The following DHX15 variants were observed in gnomAD, a reference collection of about 807,000 sequenced individuals.
The protein encoded by DHX15 is ATP-dependent RNA helicase DHX15.
A neutral mutation model predicts 94.4 loss-of-function variants in DHX15; 11 were observed. That is an observed-to-expected ratio of 0.12 (90% CI 0.07 to 0.19). The LOEUF is 0.19. Ranked by LOEUF, DHX15 falls within the 10% of genes least tolerant of loss-of-function variation. The probability of loss-of-function intolerance (pLI) is 1.00; values close to 1 mark genes in which losing one functional copy is unlikely to be tolerated. For missense variants in DHX15, 304 were observed against 988.5 expected (o/e 0.31, Z 9.29); for synonymous variants, 338 against 329.9 (o/e 1.02, Z -0.27).
At chr4:24,548,735 T>C (rs1441202765) in intron 6 of DHX15, 120 bp downstream of exon 6, 6 of 934,894 alleles carry the variant, frequency 6.4e-6, no homozygotes, top group South Asian at 4.5e-5. Context: ...ATGGATATTA[T>C]TTTGTTGTAT....
chr4:24,530,119 T>C (rs1178716364), intron 12 of DHX15: 2 of 333,846 alleles, frequency 6.0e-6, no homozygotes, highest in South Asian at 5.9e-5. Flanking sequence ...TGCCCATTTG[T>C]CTATACCTAT....
At chr4:24,539,789 CAAAA>C (rs1214547037) in intron 10 of DHX15, 3 of 175,676 alleles carry the variant, frequency 1.7e-5, no homozygotes, top group Non-Finnish European at 3.6e-5. Flanking sequence ...AAACAAAAAA[CAAAA>C]AAACCACAAA....
intron 10 of DHX15, chr4:24,539,867 T>C: frequency 3.3e-6 from 1 of 303,394 alleles, no homozygotes; most frequent in Non-Finnish European, 6.0e-6. Context: ...TTACTGCAAT[T>C]TTTATTAGCA....
chr4:24,561,105 G>GA (rs1046291226), intron 3 of DHX15, among the ~76,000 whole-genome samples: 23 of 152,180 alleles, frequency 1.5e-4, no homozygotes, highest in African/African-American at 5.3e-4. Flanking sequence ...GTGTATGCGT[G>GA]AAAAAAATGT....
At chr4:24,535,444 T>A (rs914050714) in intron 11 of DHX15, among the ~76,000 whole-genome samples, 1 of 152,154 alleles carries the variant, frequency 6.6e-6, no homozygotes, top group Admixed American at 6.5e-5. Context: ...ATACAGTAGG[T>A]TTTTTGAGTA....
intron 3 of DHX15, among the ~76,000 whole-genome samples, chr4:24,562,131 C>CAA (rs71196191): frequency 0.18 from 13,603 of 77,042 alleles, 2,064 homozygotes; most frequent in East Asian, 0.32. Context: ...GACACTGTCT[C>CAA]AAAAAAAAAA....
intron 1 of DHX15, 134 bp downstream of exon 1, chr4:24,584,189 G>T: frequency 2.1e-6 from 2 of 941,938 alleles, no homozygotes; most frequent in Non-Finnish European, 3.1e-6. Context: ...CCTACCCGCC[G>T]CTAGTGAACC....
intron 2 of DHX15, among the ~76,000 whole-genome samples, chr4:24,575,668 T>C (rs560745792): frequency 6.6e-6 from 1 of 152,154 alleles, no homozygotes; most frequent in African/African-American, 2.4e-5. Context: ...ACAGAAACAC[T>C]TGACCCATGC....
At chr4:24,562,028 G>A (rs138793816) in intron 3 of DHX15, among the ~76,000 whole-genome samples, 4,834 of 151,450 alleles carry the variant, frequency 0.032, 240 homozygotes, top group African/African-American at 0.11. Flanking sequence ...CTACTTGGGA[G>A]GCTGAGGCAA....
intron 1 of DHX15, 119 bp from the exon 2 acceptor site, chr4:24,576,797 A>C: frequency 4.4e-6 from 6 of 1,370,392 alleles, no homozygotes; most frequent in Non-Finnish European, 5.8e-6. Context: ...CCAATGGATT[A>C]TGTAACTATC....
intron 3 of DHX15, among the ~76,000 whole-genome samples, chr4:24,557,149 G>A (rs1181067649): frequency 3.9e-5 from 6 of 152,076 alleles, no homozygotes; most frequent in African/African-American, 1.4e-4. Flanking sequence ...CAGGCGCCAC[G>A]TAAGAATGAA....
In DHX15 at chr4:24,543,036, AAT is replaced by A. The variant is rs1277887674; in HGVS notation, c.1249-12_1249-11del. 3 of 1,575,720 alleles carry A rather than the reference AAT, an allele frequency of 1.9e-6. No individual in the cohort carries two copies. Among genetic ancestry groups the A allele is most frequent in the Non-Finnish European group, 8.7e-7 (1 of 1,146,708 alleles). ...TAGTTGACACAACTACCTGTTAAGA[AAT>A]AGAGTATATAAATTATATTACATAT... On this transcript the variant is annotated splice_polypyrimidine_tract_variant and intron_variant, in intron 6 of 13. Coordinates refer to ENST00000336812, the MANE Select transcript of DHX15 (RefSeq NM_001358.3).
chr4:24,534,342 A>C (rs2109392815), intron 11 of DHX15: 1 of 152,332 alleles, frequency 6.6e-6, no homozygotes, highest in East Asian at 1.9e-4. Context: ...GTTGATTTGC[A>C]GACTATGGCT....
chr4:24,548,018 C>A (rs566621036), intron 6 of DHX15, among the ~76,000 whole-genome samples: 5 of 148,796 alleles, frequency 3.4e-5, no homozygotes, highest in South Asian at 2.1e-4. Context: ...GTCTTCCCAG[C>A]CCCTCAACAA....
At chr4:24,543,165 T>A in intron 6 of DHX15, 139 bp from the exon 7 acceptor site, 1 of 600,068 alleles carries the variant, frequency 1.7e-6, no homozygotes, top group Non-Finnish European at 2.8e-6. Context: ...TGATCTTCAA[T>A]GGCCAATGCT....
chr4:24,580,008 A>G (rs982836860), intron 1 of DHX15, among the ~76,000 whole-genome samples: 4 of 152,146 alleles, frequency 2.6e-5, no homozygotes, highest in Admixed American at 2.0e-4. Context: ...TCATGATCTG[A>G]CTGCCTCGGC....
At chr4:24,569,690 C>T (rs1468795857) in intron 3 of DHX15, among the ~76,000 whole-genome samples, 1 of 151,298 alleles carries the variant, frequency 6.6e-6, no homozygotes, top group Admixed American at 6.6e-5. Flanking sequence ...AACAAAGACT[C>T]ATATCACTGC....
intron 3 of DHX15, 35 bp from the exon 4 acceptor site, chr4:24,556,445 G>A (rs563287634): frequency 9.2e-6 from 14 of 1,529,558 alleles, no homozygotes; most frequent in South Asian, 4.0e-5. Context: ...TAAAGGTTCC[G>A]TTAGGTCATT....
At chr4:24,564,161 T>C (rs568825284) in intron 3 of DHX15, among the ~76,000 whole-genome samples, 1 of 151,954 alleles carries the variant, frequency 6.6e-6, no homozygotes, top group African/African-American at 2.4e-5. Flanking sequence ...TTTGAGAAAC[T>C]GTGAGTGATC....
Sources: allele counts gnomAD v4.1 joint callset (sites outside exome capture counted in the v4.1 genomes callset), GRCh38; gene constraint gnomAD v4.1.1; transcripts MANE v1.5; gene names NCBI Gene and HGNC (gene_info 2026-07-23, HGNC 2026-07-21).